The following FCAMR variants were observed in gnomAD, a reference collection of about 807,000 sequenced individuals.
FCAMR encodes high affinity immunoglobulin alpha and immunoglobulin mu Fc receptor.
FCAMR carries 51 observed loss-of-function variants against 52.2 expected under a neutral mutation model. That is an observed-to-expected ratio of 0.98 (90% CI 0.78 to 1.23). The LOEUF (loss-of-function observed/expected upper bound fraction) is 1.23, where lower values mean the gene tolerates loss of function less well. Ranked by LOEUF, FCAMR falls within the 50% of genes most tolerant of loss-of-function variation. FCAMR has a pLI of 0.00. For synonymous variants in FCAMR, 282 were observed against 262.0 expected (o/e 1.08, Z -0.74); for missense variants, 719 against 712.6 (o/e 1.01, Z -0.10).
upstream of FCAMR, chr1:206,970,573 A>C: frequency 6.5e-6 from 1 of 153,666 alleles, no homozygotes; most frequent in Non-Finnish European, 1.4e-5. Flanking sequence ...AAAATTCAAA[A>C]TTCAGGAGAG....
At chr1:206,961,655 A>G (rs984377215) in intron 5 of FCAMR, among the ~76,000 whole-genome samples, 1 of 152,264 alleles carries the variant, frequency 6.6e-6, no homozygotes, top group South Asian at 2.1e-4. Flanking sequence ...GCCTCCTGTC[A>G]TGCTGTCTCC....
chr1:206,965,676 G>T, intron 4 of FCAMR, 39 bp downstream of exon 4: 1 of 1,518,808 alleles, frequency 6.6e-7, no homozygotes, highest in Non-Finnish European at 8.8e-7. Flanking sequence ...TGGGAAGTCT[G>T]AGGTCCATGG....
At chr1:206,967,994 G>A (rs2102269797) in intron 1 of FCAMR, among the ~76,000 whole-genome samples, 1 of 152,264 alleles carries the variant, frequency 6.6e-6, no homozygotes, top group South Asian at 2.1e-4. Context: ...TCTTTTAATG[G>A]ACACCATACT....
At position 206,967,051 on chromosome 1, in the gene FCAMR, C is replaced by A; in HGVS notation, c.169+1G>T. 1 of 1,613,844 alleles carries A rather than the reference C, an allele frequency of 6.2e-7. No individual in the cohort carries two copies. Among genetic ancestry groups the A allele is most frequent in the Non-Finnish European group, 8.5e-7 (1 of 1,179,994 alleles). On this transcript the variant is annotated splice_donor_variant, in intron 3 of 7. Transcript: ENST00000324852. LOFTEE classifies it high-confidence loss of function. ...GAACCTGGGCTGGGTTTGGGACTCA[C>A]CTTGTAGCAGGCACAGTATGAGGAA...
rs1246938201 is a variant in FCAMR at position 206,960,454 on chromosome 1, C to G, written c.1422G>C (p.Trp474Cys). The G allele has an allele frequency of 3.2e-5, 48 of 1,523,582 alleles. No individual in the cohort carries two copies. The highest frequency in any genetic ancestry group is 4.1e-5 in the Non-Finnish European group (47 of 1,134,086). The allele number at this position is 1,523,582 out of a possible 1,614,324, so 94.4% of individuals were successfully genotyped here. Residue 474 changes from tryptophan (W) to cysteine (C), a missense_variant, in exon 6 of 8, where the codon TGG (tryptophan) becomes TGC (cysteine). By Grantham distance (215) the Trp-to-Cys change is radical. Transcript: ENST00000324852. The part of the protein sequence containing the change: ...TLSQTPAVGP[W>C]GPPGKESSVK... ...CGGAGGACTCCTTGCCAGGGGGTCCCCAGGGTCCTACTGCCGGGGTCTGGC... is the reference window on the plus strand; with the variant it reads ...CGGAGGACTCCTTGCCAGGGGGTCCGCAGGGTCCTACTGCCGGGGTCTGGC...
At position 206,960,512 on chromosome 1, in the gene FCAMR, G is replaced by T; in HGVS notation, c.1364C>A (p.Ala455Asp). ...TGCTTGGGGACCTCTGTCTCCAGTG[G>T]CAGCATCTAGGTCCCCTGCAGCGCT... is the stretch of plus-strand genomic sequence containing the variant. ...EGSAAGDLDA[A>D]TGDRGPQATL... Residue 455 changes from alanine to aspartate, a missense_variant, in exon 6 of 8, where the codon GCC (alanine) becomes GAC (aspartate). Coordinates refer to ENST00000324852, the MANE Select transcript of FCAMR (RefSeq NM_001170631.2). 6.4e-7 allele frequency: 1 copy of T among 1,551,420 alleles called. No individual in the cohort carries two copies.
chr1:206,968,288 C>T (rs538902785), intron 1 of FCAMR, among the ~76,000 whole-genome samples: 12 of 152,214 alleles, frequency 7.9e-5, no homozygotes, highest in African/African-American at 2.2e-4. Context: ...GCAGTGAGCC[C>T]GTGCCACTGC....
In FCAMR at chr1:206,959,702, C is replaced by A; in HGVS notation, c.1550G>T (p.Arg517Met). ...FMLMALVLLQ[R>M]KLWRRRTSQE... Reference sequence around the variant, plus strand: ...ACAGGTCCTCCTTCTCCAGAGCTTCCTTTGCAATAGAACCAGAGCCATAAG... The same window carrying A: ...ACAGGTCCTCCTTCTCCAGAGCTTCATTTGCAATAGAACCAGAGCCATAAG... Residue 517 changes from arginine to methionine, a missense_variant, in exon 7 of 8, where the codon AGG becomes ATG. Arg to Met is a moderately conservative substitution (Grantham distance 91). Coordinates refer to ENST00000324852, the MANE Select transcript of FCAMR (RefSeq NM_001170631.2). 6.2e-7 allele frequency: 1 copy of A among 1,614,064 alleles called. No homozygotes were observed. The highest frequency in any genetic ancestry group is 2.2e-5 in the East Asian group (1 of 44,876).
In FCAMR at chr1:206,960,437, T is replaced by A. The variant is rs371437430; in HGVS notation, c.1439A>T (p.Glu480Val). 12 of 1,505,436 alleles carry A rather than the reference T, an allele frequency of 8.0e-6. No homozygotes were observed. Among genetic ancestry groups the A allele is most frequent in the African/African-American group, 2.8e-5 (2 of 71,456 alleles). 93.3% of individuals were successfully genotyped at this position (1,505,436 alleles called of 1,614,324 possible). The stretch of plus-strand genomic sequence containing the variant: ...CTGGGGTTACCGCTTCACGGAGGAC[T>A]CCTTGCCAGGGGGTCCCCAGGGTCC... ...AVGPWGPPGK[E>V]SSVKRTFPED... The change falls in exon 6 of 8, where the codon GAG becomes GTG. Residue 480 changes from glutamate to valine, a missense_variant. By Grantham distance (121) the Glu-to-Val change is moderately radical. Coordinates refer to ENST00000324852, the MANE Select transcript of FCAMR (RefSeq NM_001170631.2).
chr1:206,960,678 G>T lies in FCAMR; in HGVS notation c.1198C>A (p.Gln400Lys). The stretch of plus-strand genomic sequence containing the variant: ...TCTCCAATGGAACCCTGAGATTGTT[G>T]CTTAGAAACTGGCGTTGCTTGTGGG... ...ILPQATPVSK[Q>K]QSQGSIGETT... Residue 400 changes from glutamine to lysine, a missense_variant, in exon 6 of 8, where the codon CAA becomes AAA. Physicochemically the swap from Gln to Lys is moderately conservative, Grantham distance 53. Coordinates refer to ENST00000324852, the MANE Select transcript of FCAMR (RefSeq NM_001170631.2). 1.3e-6 allele frequency: 2 copies of T among 1,552,130 alleles called. No homozygotes were observed. The highest frequency in any genetic ancestry group is 1.7e-6 in the Non-Finnish European group (2 of 1,147,092).
chr1:206,963,140 C>T (rs963614574), intron 4 of FCAMR, among the ~76,000 whole-genome samples: 2 of 152,134 alleles, frequency 1.3e-5, no homozygotes, highest in African/African-American at 2.4e-5. Context: ...CTGCAAAAGA[C>T]GGGGAGTCCT....
At chr1:206,964,596 T>C (rs1191017986) in intron 4 of FCAMR, among the ~76,000 whole-genome samples, 1 of 151,820 alleles carries the variant, frequency 6.6e-6, no homozygotes, top group Non-Finnish European at 1.5e-5. Context: ...TCTTGCGCCA[T>C]GTGCTGTGCT....
At chr1:206,959,937 G>A in intron 6 of FCAMR, 140 bp from the exon 7 acceptor site, 1 of 665,292 alleles carries the variant, frequency 1.5e-6, no homozygotes, top group East Asian at 2.7e-5. Flanking sequence ...CCCATGGCTG[G>A]TTAGTGTCAG....
chr1:206,963,428 C>A (rs896383918), intron 4 of FCAMR, among the ~76,000 whole-genome samples: 1 of 152,178 alleles, frequency 6.6e-6, no homozygotes, highest in Non-Finnish European at 1.5e-5. Context: ...CATACCTTCT[C>A]CGTGGACATC....
intron 1 of FCAMR, among the ~76,000 whole-genome samples, chr1:206,967,939 C>T (rs934286313): frequency 2.6e-5 from 4 of 152,202 alleles, no homozygotes; most frequent in Non-Finnish European, 5.9e-5. Flanking sequence ...GGATCTAGCA[C>T]GTTGTAGATG....
At chr1:206,966,952 G>T in intron 3 of FCAMR, 100 bp downstream of exon 3, 1 of 1,118,614 alleles carries the variant, frequency 8.9e-7, no homozygotes, top group Non-Finnish European at 1.3e-6. Context: ...TTTATACCTG[G>T]ACAGTTTTAC....
chr1:206,965,735 CG>C lies in FCAMR; in HGVS notation c.292del (p.Arg98GlyfsTer12), dbSNP rs1680680234. ...TGTACCTGCAAAGGAGCTCTCCTCC[CG>C]CCAGCAGAGGGGCGAGGAAGGCCTG... ...TLRPSSPLCWREESSFAAPNS... is the reference protein window; with the variant it reads ...TLRPSSPLCWXEESSFAAPNS... On this transcript the variant is annotated frameshift_variant, in exon 4 of 8. Transcript: ENST00000324852. LOFTEE classifies it high-confidence loss of function. 2 of 1,575,746 alleles carry C rather than the reference CG, an allele frequency of 1.3e-6. No individual in the cohort carries two copies. The highest frequency in any genetic ancestry group is 1.7e-4 in the Middle Eastern group (1 of 5,860).
rs1197827537 is a variant in FCAMR, at chr1:206,958,231, C to T, written c.*285G>A. Reference sequence around the variant, plus strand: ...ATTGGAAGCCTCTTCTATTTTCAAACATTCAGGAATGGAAATTTCATGCTT... The same window carrying T: ...ATTGGAAGCCTCTTCTATTTTCAAATATTCAGGAATGGAAATTTCATGCTT... On this transcript the variant is annotated 3_prime_UTR_variant, in exon 8 of 8. Transcript: ENST00000324852. 6.2e-6 allele frequency: 2 copies of T among 323,636 alleles called. No homozygotes were observed. Among genetic ancestry groups the T allele is most frequent in the Non-Finnish European group, 1.1e-5 (2 of 178,506 alleles). The allele number at this position is 323,636 out of a possible 1,614,324, so 20.0% of individuals were successfully genotyped here.
chr1:206,965,276 G>A (rs1680660351), intron 4 of FCAMR, among the ~76,000 whole-genome samples: 1 of 152,048 alleles, frequency 6.6e-6, no homozygotes, highest in Non-Finnish European at 1.5e-5. Context: ...AGGATGGGGT[G>A]GTCTTACTTC....
Sources: gnomAD v4.1 joint callset for allele counts (sites outside exome capture counted in the v4.1 genomes callset) on GRCh38, gnomAD v4.1.1 for gene constraint, MANE v1.5 for transcripts, NCBI Gene and HGNC (gene_info 2026-07-23, HGNC 2026-07-21) for gene names.